KLRG2: variants seen among roughly 807,000 people sequenced by gnomAD.
KLRG2 encodes killer cell lectin-like receptor subfamily G member 2.
In KLRG2, 39 loss-of-function variants were observed where a neutral mutation model predicts 35.4. The observed-to-expected ratio is 1.10, with a 90% CI of 0.85 to 1.44. The LOEUF (loss-of-function observed/expected upper bound fraction) is 1.44, where lower values mean the gene tolerates loss of function less well. Ranked by LOEUF, KLRG2 falls within the 40% of genes most tolerant of loss-of-function variation. The pLI is 0.00. For missense variants in KLRG2, 632 were observed against 570.9 expected (o/e 1.11, Z -1.09); for synonymous variants, 283 against 265.8 (o/e 1.06, Z -0.63).
intron 3 of KLRG2, among the ~76,000 whole-genome samples, chr7:139,456,821 T>G: frequency 6.6e-6 from 1 of 152,190 alleles, no homozygotes; most frequent in Non-Finnish European, 1.5e-5. Context: ...GTCACTTTCC[T>G]GTATTAGTTG....
At chr7:139,428,874 A>G in the KLRG2 span, among the ~76,000 whole-genome samples, 36 of 152,272 alleles carry the variant, frequency 2.4e-4, 1 homozygote, top group Admixed American at 1.8e-3. Flanking sequence ...TTACTTTTAA[A>G]TAGTTCAACA....
At chr7:139,439,765 A>G in the KLRG2 span, among the ~76,000 whole-genome samples, 1 of 152,320 alleles carries the variant, frequency 6.6e-6, no homozygotes, top group East Asian at 1.9e-4. Context: ...GCGGACACAA[A>G]GGTGATGGGT....
At chr7:139,436,785 T>C in the KLRG2 span, among the ~76,000 whole-genome samples, 3 of 152,220 alleles carry the variant, frequency 2.0e-5, no homozygotes, top group African/African-American at 7.2e-5. Context: ...TACTGGGTCA[T>C]TGTGGAAATT....
intron 3 of KLRG2, among the ~76,000 whole-genome samples, chr7:139,473,485 C>G (rs956632530): frequency 4.6e-5 from 7 of 152,042 alleles, no homozygotes; most frequent in Admixed American, 4.6e-4. Context: ...CCCTCCCACC[C>G]GACATAGAAC....
At chr7:139,468,804 A>G (rs1796709794) in intron 3 of KLRG2, among the ~76,000 whole-genome samples, 1 of 152,216 alleles carries the variant, frequency 6.6e-6, no homozygotes, top group African/African-American at 2.4e-5. Flanking sequence ...AACCCCCAGT[A>G]CCTCAAAATG....
At chr7:139,457,751 C>T (rs1287043878) in intron 3 of KLRG2, among the ~76,000 whole-genome samples, 1 of 152,188 alleles carries the variant, frequency 6.6e-6, no homozygotes, top group Admixed American at 6.5e-5. Context: ...CGAGCCCCAG[C>T]CCCGCCTAGA....
chr7:139,470,232 G>T (rs938845481), intron 3 of KLRG2, among the ~76,000 whole-genome samples: 3 of 151,882 alleles, frequency 2.0e-5, no homozygotes, highest in Non-Finnish European at 4.4e-5. Flanking sequence ...TAATTTTTTT[G>T]TATTTTTAAT....
the KLRG2 span, among the ~76,000 whole-genome samples, chr7:139,438,929 C>A: frequency 5.4e-5 from 7 of 129,300 alleles, 1 homozygote; most frequent in Admixed American, 7.9e-5. Flanking sequence ...CTCCCCCCCC[C>A]CACCCCGCCC....
At chr7:139,476,659 T>C (rs778593270) in intron 3 of KLRG2, among the ~76,000 whole-genome samples, 2 of 152,092 alleles carry the variant, frequency 1.3e-5, no homozygotes, top group Non-Finnish European at 2.9e-5. Context: ...AGGCTGGTCT[T>C]GAACTCCCGA....
the KLRG2 span, among the ~76,000 whole-genome samples, chr7:139,438,931 A>ACCCCG: frequency 6.8e-5 from 2 of 29,292 alleles, no homozygotes; most frequent in South Asian, 1.7e-3. Flanking sequence ...CCCCCCCCCC[A>ACCCCG]CCCCGCCCCG....
At chr7:139,456,427 AC>A (rs1374457125) in intron 3 of KLRG2, among the ~76,000 whole-genome samples, 4 of 152,090 alleles carry the variant, frequency 2.6e-5, no homozygotes, top group African/African-American at 9.7e-5. Context: ...GTGCAGTGGC[AC>A]AATCTCGGCT....
intron 3 of KLRG2, among the ~76,000 whole-genome samples, chr7:139,478,362 T>G (rs1796891509): frequency 8.1e-6 from 1 of 124,092 alleles, no homozygotes; most frequent in East Asian, 2.3e-4. Flanking sequence ...GAGGACCTGT[T>G]TCAAAAAAAA....
At chr7:139,479,601 C>T (rs1195616455) in intron 3 of KLRG2, 26 bp downstream of exon 3, 3 of 1,605,734 alleles carry the variant, frequency 1.9e-6, no homozygotes, top group Non-Finnish European at 2.5e-6. Flanking sequence ...ATCTGTACCC[C>T]CTTAGATTGG....
downstream of KLRG2, among the ~76,000 whole-genome samples, chr7:139,449,754 C>T (rs1401441512): frequency 1.5e-5 from 2 of 131,826 alleles, no homozygotes; most frequent in African/African-American, 5.8e-5. Context: ...GGCTGGAGTG[C>T]AGTGGCACGA....
chr7:139,431,090 A>G, the KLRG2 span, among the ~76,000 whole-genome samples: 13 of 140,804 alleles, frequency 9.2e-5, no homozygotes, highest in Non-Finnish European at 1.9e-4. Flanking sequence ...AGCAACATGA[A>G]TACCTTTAAA....
the KLRG2 span, among the ~76,000 whole-genome samples, chr7:139,435,814 C>T: frequency 6.6e-6 from 1 of 152,172 alleles, no homozygotes; most frequent in African/African-American, 2.4e-5. Flanking sequence ...TAAGGGTGCC[C>T]CGCCGCTTAC....
the KLRG2 span, among the ~76,000 whole-genome samples, chr7:139,445,826 TAA>T: frequency 1.4e-5 from 2 of 144,798 alleles, no homozygotes; most frequent in African/African-American, 5.6e-5. Flanking sequence ...TTTTGCTCTT[TAA>T]GTTTTATTTT....
chr7:139,478,918 C>A (rs1796904005), intron 3 of KLRG2, among the ~76,000 whole-genome samples: 1 of 151,958 alleles, frequency 6.6e-6, no homozygotes, highest in Non-Finnish European at 1.5e-5. Context: ...GACCCAGAGA[C>A]CAACGATTAA....
downstream of KLRG2, among the ~76,000 whole-genome samples, chr7:139,450,575 C>T (rs1796363899): frequency 6.6e-6 from 1 of 152,106 alleles, no homozygotes; most frequent in Admixed American, 6.5e-5. Flanking sequence ...CTTACAAAGC[C>T]ATTTTTAAAT....
Sources: gnomAD v4.1 joint callset for allele counts (sites outside exome capture counted in the v4.1 genomes callset) on GRCh38, gnomAD v4.1.1 for gene constraint, MANE v1.5 for transcripts, NCBI Gene and HGNC (gene_info 2026-07-23, HGNC 2026-07-21) for gene names.